Variants in PCDHA1 observed in about 807,000 individuals in gnomAD.
PCDHA1 encodes protocadherin alpha-1.
Under a neutral mutation model 61.3 loss-of-function variants are expected in PCDHA1, and 42 were observed. The ratio of observed to expected loss-of-function variants is 0.69; its 90% CI spans 0.54 to 0.89. The LOEUF (loss-of-function observed/expected upper bound fraction) is 0.89, where lower values mean the gene tolerates loss of function less well. Ranked by LOEUF, PCDHA1 falls within the 40% of genes least tolerant of loss-of-function variation. The pLI is 0.00. For synonymous variants in PCDHA1, 610 were observed against 553.8 expected (o/e 1.10, Z -1.43); for missense variants, 1,256 against 1,235.3 (o/e 1.02, Z -0.25).
In PCDHA1 at chr5:140,850,578, G is replaced by A. The variant is rs1554144523; in HGVS notation, c.2394+61894G>A. ...CACGGGCCCCGAGGTGACGCTGGTG[G>A]ATGTCAACGTGTACCTGATCATCGC... On this transcript the variant is annotated intron_variant, in intron 1 of 3. Transcript: ENST00000504120. 1.4e-5 allele frequency: 23 copies of A among 1,598,460 alleles called. 2 individuals carry two copies. Among genetic ancestry groups the A allele is most frequent in the Non-Finnish European group, 2.0e-5 (23 of 1,167,876 alleles).
chr5:140,793,019 C>G (rs1458322425), intron 1 of PCDHA1, among the ~76,000 whole-genome samples: 1 of 152,142 alleles, frequency 6.6e-6, no homozygotes, highest in African/African-American at 2.4e-5. Context: ...CATGTCTAGC[C>G]AATGTGAGAA....
intron 2 of PCDHA1, among the ~76,000 whole-genome samples, chr5:140,979,396 G>C (rs2096848299): frequency 6.6e-6 from 1 of 151,692 alleles, no homozygotes; most frequent in South Asian, 2.1e-4. Flanking sequence ...ATACATACAT[G>C]TTGTCTACCT....
intron 1 of PCDHA1, chr5:140,875,916 G>GC: frequency 6.2e-7 from 1 of 1,614,086 alleles, no homozygotes. Context: ...CTGCGCCTCT[G>GC]GACTCTCATT....
intron 3 of PCDHA1, among the ~76,000 whole-genome samples, chr5:140,996,976 G>A (rs573896136): frequency 2.6e-5 from 4 of 152,078 alleles, no homozygotes; most frequent in East Asian, 3.9e-4. Flanking sequence ...CTCCCCTTTG[G>A]TGAAGCAACC....
chr5:140,819,407 A>G lies in PCDHA1; in HGVS notation c.2394+30723A>G, dbSNP rs143738403. 1.3e-3 allele frequency among the ~76,000 whole-genome samples: 191 copies of G among 152,278 alleles called. 1 individual carries two copies. The highest frequency in any genetic ancestry group is 4.1e-3 in the African/African-American group (169 of 41,568). ...AAGGCTTTTAGTGAATTAAATGGAGACACTTTAATATACTACACAGTTTTA... is the reference window on the plus strand; with the variant it reads ...AAGGCTTTTAGTGAATTAAATGGAGGCACTTTAATATACTACACAGTTTTA... On this transcript the variant is annotated intron_variant, in intron 1 of 3. Coordinates refer to ENST00000504120, the MANE Select transcript of PCDHA1 (RefSeq NM_018900.4).
intron 1 of PCDHA1, among the ~76,000 whole-genome samples, chr5:140,827,788 C>A (rs781936968): frequency 6.6e-6 from 1 of 152,100 alleles, no homozygotes; most frequent in African/African-American, 2.4e-5. Context: ...TAACACTGAC[C>A]GTGCAAATTA....
chr5:140,801,740 C>A, intron 1 of PCDHA1: 1 of 1,613,818 alleles, frequency 6.2e-7, no homozygotes. Flanking sequence ...TTACCTTGGA[C>A]GTTAAAAGAA....
Position 140,828,833 on chromosome 5 carries a change from G to C in PCDHA1, c.2394+40149G>C, listed in dbSNP as rs149898673. The C allele has an allele frequency of 2.4e-5, 39 of 1,614,188 alleles. No homozygotes were observed. In the African/African-American group the frequency reaches 3.6e-4, roughly 15 times the overall value. On this transcript the variant is annotated intron_variant, in intron 1 of 3. Coordinates refer to ENST00000504120, the MANE Select transcript of PCDHA1 (RefSeq NM_018900.4). ...TCCCACTTTCGAACAGTCTGAATAC[G>C]AAGTAAGAATATTCGAAAATGCAGA...
intron 1 of PCDHA1, chr5:140,808,333 T>C (rs782408081): frequency 1.2e-6 from 2 of 1,614,240 alleles, no homozygotes; most frequent in East Asian, 4.5e-5. Flanking sequence ...TGGGTGTCAA[T>C]GGGCTGGTCA....
chr5:140,821,665 G>A, intron 1 of PCDHA1: 1 of 1,236,776 alleles, frequency 8.1e-7, no homozygotes, highest in Non-Finnish European at 1.1e-6. Flanking sequence ...GCTGTGCCAA[G>A]AAGCTCAGAA....
At chr5:140,824,160 C>T (rs1554129772) in intron 1 of PCDHA1, 4 of 1,611,272 alleles carry the variant, frequency 2.5e-6, no homozygotes, top group African/African-American at 2.7e-5. Context: ...CCATCTTTCC[C>T]TCCCAATTTT....
chr5:140,830,635 C>A, intron 1 of PCDHA1: 1 of 507,538 alleles, frequency 2.0e-6, no homozygotes, highest in Non-Finnish European at 3.1e-6. Flanking sequence ...ATTTTAATCT[C>A]TTTGCTTCTT....
At chr5:140,810,236 A>C (rs1554125448) in intron 1 of PCDHA1, 1 of 152,092 alleles carries the variant, frequency 6.6e-6, no homozygotes, top group East Asian at 1.9e-4. Context: ...TATTTATTCT[A>C]CTGTTCAGGA....
rs533936031 is a variant in PCDHA1, at chr5:140,883,438, G to A, written c.2394+94754G>A. 14 of 1,614,132 alleles carry A rather than the reference G, an allele frequency of 8.7e-6. No individual in the cohort carries two copies. The South Asian group carries it at 1.3e-4, about 15-fold the overall frequency. ...ATGGACAGGTCACCTGCACCTTGAC[G>A]CCGCATGTCCCCTTCAAGCTGGTGT... On this transcript the variant is annotated intron_variant, in intron 1 of 3. Coordinates refer to ENST00000504120, the MANE Select transcript of PCDHA1 (RefSeq NM_018900.4).
rs782520879 is a variant in PCDHA1, at chr5:141,009,808, T to A, written c.2724T>A (p.Ile908=). Residue 908 remains isoleucine (I), a synonymous_variant, in exon 4 of 4, where the codon ATT becomes ATA. Transcript: ENST00000504120. ...GGCAGGAGCCTACTAACAGCCAAAT[T>A]GACAAAAGTGACTTCATAACCTTCG... The part of the protein sequence containing the change: ...SIRQEPTNSQ[I]DKSDFITFGK... The A allele has an allele frequency of 1.2e-6, 2 of 1,613,832 alleles. No homozygotes were observed. The highest frequency in any genetic ancestry group is 2.2e-5 in the South Asian group (2 of 91,042).
In PCDHA1 at chr5:140,883,748, C is replaced by T. The variant is rs782541066; in HGVS notation, c.2394+95064C>T. The T allele has an allele frequency of 4.3e-6, 7 of 1,613,146 alleles. No individual in the cohort carries two copies. The East Asian group carries it at 1.6e-4, about 36-fold the overall frequency. On this transcript the variant is annotated intron_variant, in intron 1 of 3. Transcript: ENST00000504120. ...GGAGAACGCGCTGGTCTCCTACTCG[C>T]TGGTGGAGCGGCGGGTGGGCGAGCG... is the stretch of plus-strand genomic sequence containing the variant.
chr5:140,946,634 A>ATATATATAT (rs1554217761), intron 1 of PCDHA1, among the ~76,000 whole-genome samples: 5 of 147,332 alleles, frequency 3.4e-5, no homozygotes, highest in African/African-American at 7.7e-5. Flanking sequence ...ATATATATAC[A>ATATATATAT]ATGGAATACT....
intron 1 of PCDHA1, among the ~76,000 whole-genome samples, chr5:140,941,058 T>C (rs1554213707): frequency 6.6e-6 from 1 of 152,106 alleles, no homozygotes; most frequent in East Asian, 1.9e-4. Context: ...TCCCCAGCAG[T>C]TTTCTGGGCT....
chr5:140,831,497 A>G (rs1771562992), intron 1 of PCDHA1, among the ~76,000 whole-genome samples: 2 of 106,812 alleles, frequency 1.9e-5, no homozygotes, highest in Non-Finnish European at 3.8e-5. Context: ...GTTACTACAC[A>G]CGAGCACCAC....
Sources: allele counts gnomAD v4.1 joint callset (sites outside exome capture counted in the v4.1 genomes callset), GRCh38; gene constraint gnomAD v4.1.1; transcripts MANE v1.5; gene names NCBI Gene and HGNC (gene_info 2026-07-23, HGNC 2026-07-21).